The following SUFU variants were observed in gnomAD, a reference collection of about 807,000 sequenced individuals.
SUFU encodes the protein suppressor of fused homolog.
In SUFU, 7 loss-of-function variants were observed where a neutral mutation model predicts 58.9. That is an observed-to-expected ratio of 0.12 (90% CI 0.07 to 0.22). The LOEUF (loss-of-function observed/expected upper bound fraction) is 0.22, where lower values mean the gene tolerates loss of function less well. SUFU is among the 10% of genes least tolerant of loss of function. The pLI is 1.00. For missense variants in SUFU, 451 were observed against 641.3 expected (o/e 0.70, Z 3.20); for synonymous variants, 232 against 254.8 (o/e 0.91, Z 0.85).
At position 102,504,113 on chromosome 10, in the gene SUFU, GCCCTCT is replaced by G; in HGVS notation, c.-37_-32del. The G allele has an allele frequency of 6.6e-7, 1 of 1,524,290 alleles. No individual in the cohort carries two copies. Among genetic ancestry groups the G allele is most frequent in the Non-Finnish European group, 8.8e-7 (1 of 1,140,280 alleles). The allele number at this position is 1,524,290 out of a possible 1,614,324, so 94.4% of individuals were successfully genotyped here. On this transcript the variant is annotated 5_prime_UTR_variant, in exon 1 of 12. Coordinates refer to ENST00000369902, the MANE Select transcript of SUFU (RefSeq NM_016169.4). ...CCCGTCAGTGCTCTCCCCGTCGTTT[GCCCTCT>G]CCAGTTCCCCCAGTGCCTGCCCTAC...
rs544089318 is a variant in SUFU, at chr10:102,600,838, C to T, written c.1022+1294C>T. Reference sequence around the variant, plus strand: ...GGCAAAAGCCTGGAGAAGCCTCCACCGCCACCTCAGAGCAGCTTTTAACTC... The same window carrying T: ...GGCAAAAGCCTGGAGAAGCCTCCACTGCCACCTCAGAGCAGCTTTTAACTC... On this transcript the variant is annotated intron_variant, in intron 8 of 11. Coordinates refer to ENST00000369902, the MANE Select transcript of SUFU (RefSeq NM_016169.4). 4.4e-4 allele frequency among the ~76,000 whole-genome samples: 67 copies of T among 152,296 alleles called. 1 individual carries two copies. The South Asian group carries it at 0.011, about 25-fold the overall frequency.
chr10:102,563,069 G>A (rs138606906), intron 3 of SUFU, among the ~76,000 whole-genome samples: 3 of 152,318 alleles, frequency 2.0e-5, no homozygotes, highest in African/African-American at 7.2e-5. Context: ...AGTGGCAAGA[G>A]CAAGCCTCCA....
chr10:102,508,282 A>AT (rs557123923), intron 1 of SUFU, among the ~76,000 whole-genome samples: 15 of 151,972 alleles, frequency 9.9e-5, no homozygotes, highest in East Asian at 1.9e-4. Flanking sequence ...CCAAAACAGG[A>AT]TTTTTTTTAA....
At chr10:102,527,103 T>G (rs551038525) in intron 2 of SUFU, among the ~76,000 whole-genome samples, 1 of 149,728 alleles carries the variant, frequency 6.7e-6, no homozygotes, top group East Asian at 2.0e-4. Context: ...TCTGGTGTCA[T>G]GCCATTCTCC....
At chr10:102,615,534 G>A in intron 9 of SUFU, 132 bp downstream of exon 9, 9 of 1,356,434 alleles carry the variant, frequency 6.6e-6, no homozygotes, top group Admixed American at 1.8e-5. Context: ...CACCAGGCCC[G>A]TGCTTCCCGT....
intron 3 of SUFU, among the ~76,000 whole-genome samples, chr10:102,561,944 TA>T (rs1258585555): frequency 6.6e-6 from 1 of 152,138 alleles, no homozygotes; most frequent in Non-Finnish European, 1.5e-5. Context: ...GGAGGGATTA[TA>T]GGCATGACCC....
chr10:102,553,770 CA>C (rs61373214), intron 3 of SUFU, among the ~76,000 whole-genome samples: 15,396 of 152,106 alleles, frequency 0.1, 1,241 homozygotes, highest in East Asian at 0.42. Context: ...GCCACAAAGG[CA>C]AATTTTAACC....
intron 3 of SUFU, among the ~76,000 whole-genome samples, chr10:102,555,006 T>A (rs372005469): frequency 2.0e-5 from 3 of 152,186 alleles, no homozygotes; most frequent in South Asian, 2.1e-4. Flanking sequence ...CAGTGGCTCA[T>A]GCCTGTAATC....
chr10:102,592,072 G>C (rs954534783), intron 3 of SUFU, among the ~76,000 whole-genome samples: 3 of 152,180 alleles, frequency 2.0e-5, no homozygotes, highest in African/African-American at 7.2e-5. Flanking sequence ...GTGGGAAAAT[G>C]GTGATAGATT....
intron 3 of SUFU, among the ~76,000 whole-genome samples, chr10:102,585,888 CTTTT>C (rs34024871): frequency 1.5e-5 from 2 of 135,032 alleles, no homozygotes; most frequent in Non-Finnish European, 1.6e-5. Flanking sequence ...ATTTGTATAT[CTTTT>C]TTTTTTTTTT....
At chr10:102,555,596 A>G (rs777789616) in intron 3 of SUFU, among the ~76,000 whole-genome samples, 1 of 152,224 alleles carries the variant, frequency 6.6e-6, no homozygotes, top group Non-Finnish European at 1.5e-5. Context: ...TCTTAGGCAA[A>G]TCAAACCCTA....
Position 102,597,240 on chromosome 10 carries a change from A to G in SUFU, c.857A>G (p.Glu286Gly), listed in dbSNP as rs1313405479. Residue 286 changes from glutamate to glycine, a missense_variant, in exon 7 of 12, where the codon GAG becomes GGG. Physicochemically the swap from Glu to Gly is moderately conservative, Grantham distance 98. Coordinates refer to ENST00000369902, the MANE Select transcript of SUFU (RefSeq NM_016169.4). Reference sequence around the variant, plus strand: ...CTGAGCCGGCCCCCCGAGGATGACGAGGACAGCCGGAGCATCTGCATCGGC... The same window carrying G: ...CTGAGCCGGCCCCCCGAGGATGACGGGGACAGCCGGAGCATCTGCATCGGC... ...DDLSRPPEDD[E>G]DSRSICIGTQ... 1 of 1,614,026 alleles carries G rather than the reference A, an allele frequency of 6.2e-7. No homozygotes were observed. Among genetic ancestry groups the G allele is most frequent in the East Asian group, 2.2e-5 (1 of 44,854 alleles).
At chr10:102,534,592 C>T (rs779958655) in intron 2 of SUFU, among the ~76,000 whole-genome samples, 39 of 152,342 alleles carry the variant, frequency 2.6e-4, no homozygotes, top group Admixed American at 1.6e-3. Flanking sequence ...TCATCCTCTG[C>T]GTAGGTGTAA....
intron 3 of SUFU, among the ~76,000 whole-genome samples, chr10:102,581,329 C>A (rs1413997290): frequency 6.6e-6 from 1 of 151,982 alleles, no homozygotes; most frequent in African/African-American, 2.4e-5. Context: ...TGGGCAGAAG[C>A]CAACAGGACT....
At position 102,577,057 on chromosome 10, in the gene SUFU, T is replaced by C. The variant is rs930871529; in HGVS notation, c.455-15525T>C. Among the ~76,000 whole-genome samples the C allele has an allele frequency of 3.3e-5, 5 of 150,062 alleles. No individual in the cohort carries two copies. In the East Asian group the frequency reaches 9.9e-4, roughly 30 times the overall value. The stretch of plus-strand genomic sequence containing the variant: ...CTCTTCAGGAAGAAGATGGGAGGAG[T>C]AGAAGCATGTCCTGGATTTTTTCTT... On this transcript the variant is annotated intron_variant, in intron 3 of 11. Coordinates refer to ENST00000369902, the MANE Select transcript of SUFU (RefSeq NM_016169.4).
At chr10:102,529,086 A>G (rs1315738005) in intron 2 of SUFU, among the ~76,000 whole-genome samples, 1 of 150,902 alleles carries the variant, frequency 6.6e-6, no homozygotes, top group East Asian at 1.9e-4. Context: ...GAATATTATC[A>G]TATAAACATA....
At chr10:102,521,114 T>C (rs965587738) in intron 2 of SUFU, among the ~76,000 whole-genome samples, 1 of 152,216 alleles carries the variant, frequency 6.6e-6, no homozygotes, top group African/African-American at 2.4e-5. Context: ...TCCTATTGTT[T>C]CATGTCCTCA....
At chr10:102,538,744 A>C (rs2062768796) in intron 2 of SUFU, among the ~76,000 whole-genome samples, 1 of 152,166 alleles carries the variant, frequency 6.6e-6, no homozygotes, top group South Asian at 2.1e-4. Context: ...CAAAGTTCAT[A>C]GTTTACATTA....
chr10:102,623,115 G>A (rs1462111998), intron 10 of SUFU, among the ~76,000 whole-genome samples: 4 of 152,026 alleles, frequency 2.6e-5, no homozygotes, highest in African/African-American at 9.7e-5. Context: ...GGAGTGTGCT[G>A]CTCAGATTGG....
Sources: allele counts gnomAD v4.1 joint callset (sites outside exome capture counted in the v4.1 genomes callset), GRCh38; gene constraint gnomAD v4.1.1; transcripts MANE v1.5; gene names NCBI Gene and HGNC (gene_info 2026-07-23, HGNC 2026-07-21).